SFMBT2: variants seen among roughly 807,000 people sequenced by gnomAD.
SFMBT2 encodes the protein scm-like with four MBT domains protein 2.
Under a neutral mutation model 110.1 loss-of-function variants are expected in SFMBT2, and 38 were observed. That is an observed-to-expected ratio of 0.35 (90% CI 0.27 to 0.45). The LOEUF (loss-of-function observed/expected upper bound fraction) is 0.45. Among genes scored for constraint, SFMBT2 ranks in the 20% least tolerant of loss-of-function variants. The pLI is 1.00. For synonymous variants in SFMBT2, 425 were observed against 425.4 expected (o/e 1.00, Z 0.01); for missense variants, 1,011 against 1,094.9 (o/e 0.92, Z 1.08).
chr10:7,196,795 C>T (rs2131593340), intron 15 of SFMBT2, among the ~76,000 whole-genome samples: 1 of 152,310 alleles, frequency 6.6e-6, no homozygotes, highest in African/African-American at 2.4e-5. Context: ...AAGAAAAGAG[C>T]AGAGATAGAG....
intron 15 of SFMBT2, among the ~76,000 whole-genome samples, chr10:7,196,102 C>T (rs892760395): frequency 1.3e-5 from 2 of 152,046 alleles, no homozygotes; most frequent in African/African-American, 4.8e-5. Context: ...GAAATCACAC[C>T]GAGGCTCTCG....
At chr10:7,258,737 C>G (rs929438955) in intron 7 of SFMBT2, among the ~76,000 whole-genome samples, 1 of 152,164 alleles carries the variant, frequency 6.6e-6, no homozygotes, top group South Asian at 2.1e-4. Flanking sequence ...TGACCTAGTG[C>G]TCAGATGTTC....
At position 7,357,630 on chromosome 10, in the gene SFMBT2, A is replaced by C. The variant is rs79829819; in HGVS notation, c.436+10019T>G. 5.2e-3 allele frequency among the ~76,000 whole-genome samples: 786 copies of C among 152,302 alleles called. 5 individuals are homozygous for C. Among genetic ancestry groups the C allele is most frequent in the Non-Finnish European group, 6.6e-3 (449 of 68,024 alleles). ...TTCTTGCTATGTATGTACTGACCCT[A>C]TCAGGTCTATTTCTATGGAAAACCC... On this transcript the variant is annotated intron_variant, in intron 4 of 20. Transcript: ENST00000397167.
At chr10:7,204,745 C>T (rs11255040) in intron 12 of SFMBT2, 13,085 of 186,206 alleles carry the variant, frequency 0.07, 522 homozygotes, top group Non-Finnish European at 0.089. Flanking sequence ...TGGTGGCGCA[C>T]GCCTGTTATC....
chr10:7,337,731 T>C (rs933716438), intron 4 of SFMBT2, among the ~76,000 whole-genome samples: 3 of 152,158 alleles, frequency 2.0e-5, no homozygotes, highest in Non-Finnish European at 4.4e-5. Context: ...TGAGAATGGA[T>C]AATAACACAG....
intron 2 of SFMBT2, among the ~76,000 whole-genome samples, chr10:7,375,797 A>G (rs2132067814): frequency 7.1e-6 from 1 of 141,830 alleles, no homozygotes; most frequent in South Asian, 2.3e-4. Context: ...ACACACACAC[A>G]CACAAATCAC....
intron 4 of SFMBT2, among the ~76,000 whole-genome samples, chr10:7,319,402 A>C (rs1373866114): frequency 6.6e-6 from 1 of 152,206 alleles, no homozygotes; most frequent in East Asian, 1.9e-4. Flanking sequence ...TCCCTGAGAA[A>C]GCCAACCAGC....
intron 4 of SFMBT2, among the ~76,000 whole-genome samples, chr10:7,364,956 G>A (rs969033421): frequency 3.3e-5 from 5 of 152,198 alleles, no homozygotes; most frequent in Non-Finnish European, 5.9e-5. Flanking sequence ...ACTTCACGAC[G>A]GATCAGAAAT....
intron 4 of SFMBT2, among the ~76,000 whole-genome samples, chr10:7,310,908 A>C (rs1178814769): frequency 2.0e-5 from 3 of 152,044 alleles, no homozygotes; most frequent in Non-Finnish European, 4.4e-5. Context: ...TTAACTGGGC[A>C]TGGTGGCGGA....
At chr10:7,313,076 C>T (rs1842902635) in intron 4 of SFMBT2, among the ~76,000 whole-genome samples, 1 of 152,040 alleles carries the variant, frequency 6.6e-6, no homozygotes, top group African/African-American at 2.4e-5. Flanking sequence ...ATAGCATCCA[C>T]CACCTCCGTG....
At chr10:7,313,331 T>G (rs2131908313) in intron 4 of SFMBT2, among the ~76,000 whole-genome samples, 1 of 152,318 alleles carries the variant, frequency 6.6e-6, no homozygotes, top group African/African-American at 2.4e-5. Flanking sequence ...TAAAAAGTTA[T>G]GTGACATATC....
chr10:7,293,588 C>T lies in SFMBT2; in HGVS notation c.437-7634G>A, dbSNP rs1287493034. On this transcript the variant is annotated intron_variant, in intron 4 of 20. Coordinates refer to ENST00000397167, the MANE Select transcript of SFMBT2 (RefSeq NM_001387889.1). This position sits in a 1 kb window ranked among gnomAD's most constrained non-coding sequence, Gnocchi z 4.6. ...GGCAAGCTCCACTGGCCCTCATAGT[C>T]GTTAAGATCATTAAGATGACTATGA... is the stretch of plus-strand genomic sequence containing the variant. Among the ~76,000 whole-genome samples the T allele has an allele frequency of 6.6e-6, 1 of 152,118 alleles. No individual in the cohort carries two copies. Among genetic ancestry groups the T allele is most frequent in the Admixed American group, 6.5e-5 (1 of 15,272 alleles).
In SFMBT2 at chr10:7,410,942, G is replaced by A. The variant is rs1324572786; in HGVS notation, c.-133C>T. Among the ~76,000 whole-genome samples, 1 of 151,276 alleles carries A rather than the reference G, an allele frequency of 6.6e-6. No individual in the cohort carries two copies. Among genetic ancestry groups the A allele is most frequent in the Non-Finnish European group, 1.5e-5 (1 of 67,746 alleles). Reference sequence around the variant, plus strand: ...GGGCACCGGCCTCGCTCGCTTGCTCGCTCGCCCGCCCTTGCCCGCTCGCTC... The same window carrying A: ...GGGCACCGGCCTCGCTCGCTTGCTCACTCGCCCGCCCTTGCCCGCTCGCTC... On this transcript the variant is annotated 5_prime_UTR_variant, in exon 1 of 21. It introduces an in-frame stop codon into an upstream open reading frame of the 5' UTR. Transcript: ENST00000397167.
chr10:7,186,423 T>TACACAC (rs766631230), intron 16 of SFMBT2, among the ~76,000 whole-genome samples: 114 of 108,118 alleles, frequency 1.1e-3, no homozygotes, highest in Non-Finnish European at 1.4e-3. Flanking sequence ...ACATACTATA[T>TACACAC]ATACACACAC....
intron 7 of SFMBT2, among the ~76,000 whole-genome samples, 155 bp from the exon 8 acceptor site, chr10:7,248,804 C>A (rs1285074768): frequency 6.6e-6 from 1 of 152,180 alleles, no homozygotes; most frequent in Non-Finnish European, 1.5e-5. Context: ...TTGCCAGATA[C>A]CACGGATTTA....
chr10:7,353,477 G>A (rs1457031915), intron 4 of SFMBT2, among the ~76,000 whole-genome samples: 2 of 146,246 alleles, frequency 1.4e-5, no homozygotes, highest in Non-Finnish European at 3.0e-5. Context: ...GAACATCTAA[G>A]CATCTAAATC....
chr10:7,247,814 ATT>A (rs1312472767), intron 8 of SFMBT2, among the ~76,000 whole-genome samples: 3 of 152,332 alleles, frequency 2.0e-5, no homozygotes, highest in Admixed American at 6.5e-5. Context: ...AGCAATTTTG[ATT>A]TTACCAGAGG....
Position 7,381,860 on chromosome 10 carries a change from A to C in SFMBT2, c.39T>G (p.Pro13=), listed in dbSNP as rs748161043. The C allele has an allele frequency of 6.2e-7, 1 of 1,613,602 alleles. No individual in the cohort carries two copies. Among genetic ancestry groups the C allele is most frequent in the South Asian group, 1.1e-5 (1 of 91,024 alleles). The stretch of plus-strand genomic sequence containing the variant: ...GACACTTTTCCAAGGGTGAAGATGA[A>C]GGGTCTTGCATATTGGAAGCTGACA... The part of the protein sequence containing the change: ...STLSASNMQD[P]SSSPLEKCLG... Residue 13 remains proline (P), a synonymous_variant, in exon 2 of 21, where the codon CCT becomes CCG. Transcript: ENST00000397167.
At chr10:7,269,827 CTT>C (rs5782963) in intron 7 of SFMBT2, among the ~76,000 whole-genome samples, 110 of 136,452 alleles carry the variant, frequency 8.1e-4, no homozygotes, top group African/African-American at 1.0e-3. Context: ...GAAGATTTCT[CTT>C]TTTTTTTTTT....
Sources: allele counts gnomAD v4.1 joint callset (sites outside exome capture counted in the v4.1 genomes callset), GRCh38; gene constraint gnomAD v4.1.1; non-coding constraint Gnocchi (gnomAD v3.1); transcripts MANE v1.5; gene names NCBI Gene and HGNC (gene_info 2026-07-23, HGNC 2026-07-21).